Variants in A1CF observed in about 807,000 individuals in gnomAD.
A1CF encodes APOBEC-1 stimulating protein.
Under a neutral mutation model 68.9 loss-of-function variants are expected in A1CF, and 48 were observed. The observed-to-expected ratio is 0.70, with a 90% CI of 0.55 to 0.89. The LOEUF (loss-of-function observed/expected upper bound fraction) is 0.89. A1CF is among the 40% of genes least tolerant of loss of function. The pLI, the probability that A1CF is intolerant of heterozygous loss-of-function variation, is 0.00. For synonymous variants in A1CF, 272 were observed against 260.4 expected (o/e 1.04, Z -0.43); for missense variants, 653 against 718.9 (o/e 0.91, Z 1.05).
chr10:50,860,892 A>C (rs905350338), intron 2 of A1CF, among the ~76,000 whole-genome samples: 1 of 152,162 alleles, frequency 6.6e-6, no homozygotes, highest in Non-Finnish European at 1.5e-5. Flanking sequence ...AGGCTGCCAC[A>C]CTGGGTTCTA....
At chr10:50,878,782 T>A (rs1412653476) in intron 1 of A1CF, among the ~76,000 whole-genome samples, 3 of 152,218 alleles carry the variant, frequency 2.0e-5, no homozygotes, top group Admixed American at 1.3e-4. Context: ...CAATTCAAGT[T>A]AATGCACCTG....
intron 3 of A1CF, among the ~76,000 whole-genome samples, chr10:50,846,097 C>A (rs7908008): frequency 0.038 from 5,850 of 152,006 alleles, 360 homozygotes; most frequent in African/African-American, 0.13. Flanking sequence ...ATATTTCTAA[C>A]CCCAAAATCC....
At chr10:50,860,288 A>G (rs1050876618) in intron 2 of A1CF, among the ~76,000 whole-genome samples, 1 of 152,222 alleles carries the variant, frequency 6.6e-6, no homozygotes, top group African/African-American at 2.4e-5. Context: ...TCAAAAACAG[A>G]TCAGCTCACA....
intron 3 of A1CF, among the ~76,000 whole-genome samples, chr10:50,852,185 C>T (rs12242265): frequency 0.01 from 1,584 of 152,312 alleles, 38 homozygotes; most frequent in African/African-American, 0.036. Context: ...GAAAGCACTA[C>T]CTTGTGTCGT....
intron 1 of A1CF, among the ~76,000 whole-genome samples, chr10:50,868,879 AG>A (rs1203498320): frequency 1.3e-5 from 2 of 152,188 alleles, no homozygotes; most frequent in African/African-American, 4.8e-5. Context: ...GCTGCAGAGG[AG>A]GATAACAGAA....
intron 1 of A1CF, among the ~76,000 whole-genome samples, chr10:50,870,314 A>G (rs1841196200): frequency 6.6e-6 from 1 of 151,932 alleles, no homozygotes; most frequent in Admixed American, 6.6e-5. Flanking sequence ...AAGAAATTGG[A>G]AGGAATCAAA....
At chr10:50,844,356 T>C (rs1839906453) in intron 3 of A1CF, among the ~76,000 whole-genome samples, 1 of 151,388 alleles carries the variant, frequency 6.6e-6, no homozygotes, top group Admixed American at 6.6e-5. Context: ...TGTAAACTGC[T>C]AGGCAAATAT....
chr10:50,806,765 T>A lies in A1CF; in HGVS notation c.1725A>T (p.Ala575=), dbSNP rs1339211825. The A allele has an allele frequency of 6.2e-7, 1 of 1,611,804 alleles. No homozygotes were observed. ...YTTYEVYPTF[A]VTARGDGYGT... The stretch of plus-strand genomic sequence containing the variant: ...CATATCCATCCCCTCGGGCAGTCAC[T>A]GCAAAAGTTGGGTAGACCTCATAGG... The change falls in exon 13 of 13, where the codon GCA becomes GCT. Residue 575 remains alanine (A), a synonymous_variant. Transcript: ENST00000373997.
intron 5 of A1CF, among the ~76,000 whole-genome samples, chr10:50,838,446 A>G (rs991516248): frequency 6.6e-6 from 1 of 152,150 alleles, no homozygotes; most frequent in Non-Finnish European, 1.5e-5. Flanking sequence ...TTTAGAAATT[A>G]TATTATTTTT....
rs924638663 is a variant in A1CF at position 50,814,037 on chromosome 10, C to T, written c.1143G>A (p.Gly381=). 1 of 1,613,338 alleles carries T rather than the reference C, an allele frequency of 6.2e-7. No individual in the cohort carries two copies. Among genetic ancestry groups the T allele is most frequent in the African/African-American group, 1.3e-5 (1 of 74,854 alleles). Residue 381 remains glycine (G), a splice_region_variant and synonymous_variant, in exon 10 of 13, where the codon GGG becomes GGA. Coordinates refer to ENST00000373997, the MANE Select transcript of A1CF (RefSeq NM_014576.4). ...RAIIRAPSVR[G]AAGVRGLGGR... Reference sequence around the variant, plus strand: ...CGCCCAGTCCTCTCACTCCCGCAGCCCCTACAGGTACATTCATGTAAATTT... The same window carrying T: ...CGCCCAGTCCTCTCACTCCCGCAGCTCCTACAGGTACATTCATGTAAATTT...
chr10:50,871,932 C>G (rs1449905494), intron 1 of A1CF, among the ~76,000 whole-genome samples: 1 of 151,926 alleles, frequency 6.6e-6, no homozygotes, highest in African/African-American at 2.4e-5. Context: ...AAAAATATTA[C>G]AAACTTCTGT....
intron 8 of A1CF, among the ~76,000 whole-genome samples, chr10:50,819,569 CTTTT>C (rs1838542928): frequency 6.6e-6 from 1 of 152,148 alleles, no homozygotes; most frequent in Non-Finnish European, 1.5e-5. Flanking sequence ...CCCACTCGCA[CTTTT>C]GTAATTAATT....
At chr10:50,810,143 G>T in intron 11 of A1CF, 101 bp from the exon 12 acceptor site, 1 of 1,326,800 alleles carries the variant, frequency 7.5e-7, no homozygotes, top group Non-Finnish European at 1.0e-6. Context: ...CTGGATGGTG[G>T]TATTTTGAGT....
intron 2 of A1CF, among the ~76,000 whole-genome samples, chr10:50,862,344 C>T (rs144735519): frequency 1.3e-5 from 2 of 151,032 alleles, no homozygotes; most frequent in Admixed American, 6.6e-5. Flanking sequence ...GCAGCCTGGG[C>T]AACAGAGTGA....
chr10:50,851,528 A>G (rs1840239694), intron 3 of A1CF, among the ~76,000 whole-genome samples: 2 of 152,242 alleles, frequency 1.3e-5, no homozygotes, highest in South Asian at 4.1e-4. Context: ...GTGGAATATC[A>G]GTATCATTTC....
intron 6 of A1CF, among the ~76,000 whole-genome samples, chr10:50,831,469 C>A (rs921451941): frequency 2.0e-5 from 3 of 152,220 alleles, no homozygotes; most frequent in Non-Finnish European, 4.4e-5. Context: ...TGGCTCACAC[C>A]TGTAATCCCA....
intron 2 of A1CF, among the ~76,000 whole-genome samples, chr10:50,861,878 A>G (rs929459821): frequency 1.3e-5 from 2 of 149,062 alleles, no homozygotes; most frequent in African/African-American, 4.9e-5. Flanking sequence ...TTAGTATACT[A>G]GTATAGTATT....
chr10:50,863,416 TA>T (rs1840837529), intron 2 of A1CF, among the ~76,000 whole-genome samples: 1 of 152,240 alleles, frequency 6.6e-6, no homozygotes, highest in Non-Finnish European at 1.5e-5. Context: ...GTTCTTAAAG[TA>T]TCTTATTGAA....
intron 4 of A1CF, 92 bp downstream of exon 4, chr10:50,843,896 T>C: frequency 6.7e-7 from 1 of 1,487,826 alleles, no homozygotes; most frequent in Non-Finnish European, 9.2e-7. Flanking sequence ...AAACAGCCAC[T>C]GACCAAGAAG....
Sources: allele counts gnomAD v4.1 joint callset (sites outside exome capture counted in the v4.1 genomes callset), GRCh38; gene constraint gnomAD v4.1.1; transcripts MANE v1.5; gene names NCBI Gene and HGNC (gene_info 2026-07-23, HGNC 2026-07-21).